TFEC: variants seen among roughly 807,000 people sequenced by gnomAD.
TFEC encodes transcription factor EC.
Under a neutral mutation model 41.6 loss-of-function variants are expected in TFEC, and 31 were observed. The observed-to-expected ratio is 0.74, with a 90% CI of 0.56 to 1.01. The LOEUF is 1.01. Among genes scored for constraint, TFEC ranks in the 50% least tolerant of loss-of-function variants. The pLI, the probability that TFEC is intolerant of heterozygous loss-of-function variation, is 0.00. For missense variants in TFEC, 402 were observed against 404.1 expected, an observed-to-expected ratio of 0.99 and a Z score of 0.04; for synonymous variants, 143 against 140.6, an observed-to-expected ratio of 1.02 and a Z score of -0.12.
intron 2 of TFEC, among the ~76,000 whole-genome samples, chr7:115,975,681 G>C (rs1793346842): frequency 6.6e-6 from 1 of 152,116 alleles, no homozygotes; most frequent in Non-Finnish European, 1.5e-5. Flanking sequence ...GTGGGCTGAG[G>C]AAATTAAAGC....
intron 1 of TFEC, among the ~76,000 whole-genome samples, chr7:116,008,933 G>C (rs993608295): frequency 2.6e-5 from 4 of 152,138 alleles, no homozygotes; most frequent in Non-Finnish European, 5.9e-5. Context: ...CCAATCATTT[G>C]AATTTGGATA....
rs1438956778 is a variant in TFEC at position 115,940,802 on chromosome 7, G to C, written c.793C>G (p.Leu265Val). Residue 265 changes from leucine to valine, a missense_variant, in exon 8 of 8, where the codon CTG becomes GTG. Transcript: ENST00000265440. ...GGGCTTGGCCCCTGAGACACAGTCAGTTGTTGGCAATAGTCTACTGAATTC... is the reference window on the plus strand; with the variant it reads ...GGGCTTGGCCCCTGAGACACAGTCACTTGTTGGCAATAGTCTACTGAATTC... ...EQNSVDYCQQLTVSQGPSPEL... is the reference protein window; with the variant it reads ...EQNSVDYCQQVTVSQGPSPEL... The C allele has an allele frequency of 1.9e-6, 3 of 1,613,550 alleles. No individual in the cohort carries two copies. The highest frequency in any genetic ancestry group is 2.5e-6 in the Non-Finnish European group (3 of 1,179,640).
chr7:116,008,623 C>T lies in TFEC; in HGVS notation c.-73+22010G>A, dbSNP rs377207404. On this transcript the variant is annotated intron_variant, in intron 1 of 7. Transcript: ENST00000265440. ...CCTAGGTACCAACTCATAAAAGCCA[C>T]ATGACATTTGTTAATGTTCTGCAGT... Among the ~76,000 whole-genome samples the T allele has an allele frequency of 1.1e-4, 17 of 152,142 alleles. 1 individual carries two copies. Among genetic ancestry groups the T allele is most frequent in the African/African-American group, 3.6e-4 (15 of 41,450 alleles).
At chr7:115,985,303 ATTGTACTATCAT>A (rs1156882845) in intron 1 of TFEC, among the ~76,000 whole-genome samples, 5 of 152,138 alleles carry the variant, frequency 3.3e-5, no homozygotes, top group Non-Finnish European at 5.9e-5. Context: ...CATAGTTAAT[ATTGTACTATCAT>A]TTGTGTAAGG....
intron 1 of TFEC, among the ~76,000 whole-genome samples, chr7:115,984,937 G>A (rs909979734): frequency 1.1e-4 from 17 of 151,784 alleles, no homozygotes; most frequent in African/African-American, 3.9e-4. Flanking sequence ...TCAAAACTTT[G>A]TTCTTAAGAA....
intron 3 of TFEC, among the ~76,000 whole-genome samples, chr7:116,093,737 T>C (rs939641896): frequency 2.0e-4 from 30 of 152,224 alleles, no homozygotes; most frequent in African/African-American, 7.2e-4. Flanking sequence ...AAAGTTCCGA[T>C]AGGGAAAGCA....
intron 3 of TFEC, among the ~76,000 whole-genome samples, chr7:116,060,370 C>T (rs1796524843): frequency 6.6e-6 from 1 of 152,056 alleles, no homozygotes; most frequent in South Asian, 2.1e-4. Context: ...GGATATATAC[C>T]CAGATGAATA....
At chr7:116,033,961 G>A (rs1482501440), upstream of TFEC, among the ~76,000 whole-genome samples, 1 of 152,072 alleles carries the variant, frequency 6.6e-6, no homozygotes, top group African/African-American at 2.4e-5. Context: ...CTCCACCAGA[G>A]CACCATAACT....
intron 3 of TFEC, among the ~76,000 whole-genome samples, chr7:115,959,636 G>A (rs1014381411): frequency 2.6e-5 from 4 of 151,330 alleles, no homozygotes; most frequent in Admixed American, 2.0e-4. Context: ...ATAATGAACA[G>A]TAAACATAAT....
chr7:115,944,368 G>A (rs1382473349), intron 6 of TFEC, among the ~76,000 whole-genome samples: 3 of 151,362 alleles, frequency 2.0e-5, no homozygotes, highest in African/African-American at 4.8e-5. Context: ...CTTTCTCTTT[G>A]ATTGTTATTT....
At chr7:116,023,741 G>T (rs1280666094) in intron 1 of TFEC, among the ~76,000 whole-genome samples, 1 of 151,972 alleles carries the variant, frequency 6.6e-6, no homozygotes, top group Non-Finnish European at 1.5e-5. Context: ...AGATTGAAAA[G>T]GGCTCTAAAA....
rs192144911 is a variant in TFEC at position 115,984,400 on chromosome 7, C to T, written c.42G>A (p.Trp14Ter). 2.4e-5 allele frequency: 38 copies of T among 1,614,084 alleles called. No individual in the cohort carries two copies. The Admixed American group carries it at 6.2e-4, about 26-fold the overall frequency. Reference protein sequence around the residue: ...DHQIINPTLKWSQPAVPSGGP... With the variant: ...DHQIINPTLK ...CACCACTTGGCACTGCAGGTTGTGA[C>T]CATTTAAGAGTTGGATTGATGATCT... The change falls in exon 2 of 8, where the codon TGG becomes TGA. Residue 14 changes from tryptophan (W) to a stop codon, truncating the protein, a stop_gained. Coordinates refer to ENST00000265440, the MANE Select transcript of TFEC (RefSeq NM_012252.4). LOFTEE classifies it high-confidence loss of function.
intron 3 of TFEC, among the ~76,000 whole-genome samples, chr7:116,088,119 T>A (rs923133952): frequency 7.2e-5 from 11 of 152,050 alleles, no homozygotes; most frequent in Admixed American, 4.6e-4. Flanking sequence ...CCTAGAGTAC[T>A]TTTTCCTTGC....
At chr7:116,088,348 G>A (rs1015935460) in intron 3 of TFEC, among the ~76,000 whole-genome samples, 6 of 152,192 alleles carry the variant, frequency 3.9e-5, no homozygotes, top group African/African-American at 1.4e-4. Context: ...TCTGATAAGA[G>A]GAACTGCCTT....
intron 1 of TFEC, among the ~76,000 whole-genome samples, chr7:115,987,982 T>G (rs1021807922): frequency 6.6e-6 from 1 of 152,172 alleles, no homozygotes. Context: ...AGAAATTTTT[T>G]GGTTTTTAAA....
At chr7:115,993,126 T>C (rs1794200885) in intron 1 of TFEC, among the ~76,000 whole-genome samples, 1 of 152,180 alleles carries the variant, frequency 6.6e-6, no homozygotes, top group Non-Finnish European at 1.5e-5. Flanking sequence ...TCTCAACAGA[T>C]GCAGAAAAGG....
chr7:116,048,803 CAGA>C (rs1796235879), intron 3 of TFEC, among the ~76,000 whole-genome samples: 1 of 152,194 alleles, frequency 6.6e-6, no homozygotes, highest in Non-Finnish European at 1.5e-5. Context: ...CTCTACAAGC[CAGA>C]AGAGAGTGGG....
At chr7:116,045,288 AG>A (rs1335507420) in intron 3 of TFEC, among the ~76,000 whole-genome samples, 1 of 152,264 alleles carries the variant, frequency 6.6e-6, no homozygotes, top group Non-Finnish European at 1.5e-5. Flanking sequence ...GTTATATTTT[AG>A]CAATGAGACT....
intron 1 of TFEC, among the ~76,000 whole-genome samples, chr7:116,131,480 C>A (rs1798331203): frequency 6.6e-6 from 1 of 152,122 alleles, no homozygotes; most frequent in Admixed American, 6.6e-5. Flanking sequence ...GAATAGATTT[C>A]TCATTTACTA....
Sources: gnomAD v4.1 joint callset for allele counts (sites outside exome capture counted in the v4.1 genomes callset) on GRCh38, gnomAD v4.1.1 for gene constraint, MANE v1.5 for transcripts, NCBI Gene and HGNC (gene_info 2026-07-23, HGNC 2026-07-21) for gene names.